COL11A1: variants seen among roughly 807,000 people sequenced by gnomAD.
COL11A1 encodes collagen type XI alpha 1 chain, also known as collagen alpha-1(XI) chain.
A neutral mutation model predicts 265.2 loss-of-function variants in COL11A1; 74 were observed. The observed-to-expected ratio is 0.28, with a 90% CI of 0.23 to 0.34. The LOEUF (loss-of-function observed/expected upper bound fraction) is 0.34, where lower values mean the gene tolerates loss of function less well. Among genes scored for constraint, COL11A1 ranks in the 10% least tolerant of loss-of-function variants. The pLI, the probability that COL11A1 is intolerant of heterozygous loss-of-function variation, is 1.00. For synonymous variants in COL11A1, 816 were observed against 727.6 expected, an observed-to-expected ratio of 1.12 and a Z score of -1.96; for missense variants, 2,165 against 2,263.6, an observed-to-expected ratio of 0.96 and a Z score of 0.88.
intron 48 of COL11A1, among the ~76,000 whole-genome samples, chr1:102,920,895 A>G (rs1332908962): frequency 6.6e-6 from 1 of 152,224 alleles, no homozygotes; most frequent in Non-Finnish European, 1.5e-5. Context: ...GACCAGAGAC[A>G]TGAAGGAAAC....
chr1:102,877,020 G>C lies in COL11A1; in HGVS notation c.*999C>G, dbSNP rs972510984. 2.6e-5 allele frequency: 4 copies of C among 152,486 alleles called. No homozygotes were observed. Among genetic ancestry groups the C allele is most frequent in the African/African-American group, 9.7e-5 (4 of 41,428 alleles). 9.4% of individuals were successfully genotyped at this position (152,486 alleles called of 1,614,324 possible). On this transcript the variant is annotated 3_prime_UTR_variant, in exon 67 of 67. Transcript: ENST00000370096. Reference sequence around the variant, plus strand: ...TTGATTGATAAGAAAATCTAACATTGCACAAATTCATAAATAATTGCTTAA... The same window carrying C: ...TTGATTGATAAGAAAATCTAACATTCCACAAATTCATAAATAATTGCTTAA...
chr1:103,012,182 A>C (rs1666186481), intron 14 of COL11A1, among the ~76,000 whole-genome samples: 1 of 152,194 alleles, frequency 6.6e-6, no homozygotes, highest in African/African-American at 2.4e-5. Context: ...GATATGACTC[A>C]ATTACATTTT....
At chr1:102,949,458 A>C (rs1659655583) in intron 41 of COL11A1, among the ~76,000 whole-genome samples, 1 of 152,160 alleles carries the variant, frequency 6.6e-6, no homozygotes, top group South Asian at 2.1e-4. Flanking sequence ...CTGTTCAAAG[A>C]ATACCCTAGG....
chr1:102,880,024 G>A (rs1449284186), intron 65 of COL11A1, 108 bp from the exon 66 acceptor site: 1 of 768,868 alleles, frequency 1.3e-6, no homozygotes, highest in Non-Finnish European at 2.2e-6. Context: ...GCATGTAGAT[G>A]AATCAAAAGA....
intron 4 of COL11A1, among the ~76,000 whole-genome samples, chr1:103,062,828 A>T (rs1490605042): frequency 6.6e-6 from 1 of 151,980 alleles, no homozygotes; most frequent in Non-Finnish European, 1.5e-5. Context: ...AGATTACATA[A>T]TTGTCTAGGT....
At chr1:103,003,116 C>T (rs1665278337) in intron 21 of COL11A1, 99 bp downstream of exon 21, 1 of 1,172,390 alleles carries the variant, frequency 8.5e-7, no homozygotes, top group Non-Finnish European at 1.3e-6. Flanking sequence ...CATAACAAGG[C>T]AATAAACTCT....
chr1:102,914,871 T>C lies in COL11A1; in HGVS notation c.3817-60A>G, dbSNP rs1293098918. ...GGAAAGAAGAGTTATCTTACAAGTT[T>C]TGCATAAAAGTTTATTAACCTTGGC... On this transcript the variant is annotated intron_variant, in intron 50 of 66. Coordinates refer to ENST00000370096, the MANE Select transcript of COL11A1 (RefSeq NM_001854.4). 3 of 1,406,852 alleles carry C rather than the reference T, an allele frequency of 2.1e-6. No individual in the cohort carries two copies. The African/African-American group carries it at 4.3e-5, about 20-fold the overall frequency. 87.1% of individuals were successfully genotyped at this position (1,406,852 alleles called of 1,614,324 possible).
intron 4 of COL11A1, among the ~76,000 whole-genome samples, chr1:103,036,140 G>C (rs1158911423): frequency 1.3e-5 from 2 of 151,282 alleles, no homozygotes; most frequent in African/African-American, 4.8e-5. Context: ...TTTTCTCCTA[G>C]CTTTGCCATT....
rs1649660945 is a variant in COL11A1 at position 102,877,698 on chromosome 1, T to C, written c.*321A>G. 7 of 289,184 alleles carry C rather than the reference T, an allele frequency of 2.4e-5. No homozygotes were observed. The South Asian group carries it at 2.7e-4, about 11-fold the overall frequency. 17.9% of individuals were successfully genotyped at this position (289,184 alleles called of 1,614,324 possible). A position where few individuals can be genotyped will look rare whatever the true frequency, so the allele number is the denominator to read the frequency against. On this transcript the variant is annotated 3_prime_UTR_variant, in exon 67 of 67. Transcript: ENST00000370096. ...CCTGGATGGATGAGAATGAGCACCA[T>C]ATTTTTTATGAATATATATTTTTCT...
intron 22 of COL11A1, 77 bp from the exon 23 acceptor site, chr1:103,002,558 A>C (rs1251771207): frequency 7.9e-7 from 1 of 1,259,136 alleles, no homozygotes; most frequent in Non-Finnish European, 1.1e-6. Flanking sequence ...ATTGGAAAAT[A>C]CCTCTACCCA....
At chr1:103,096,207 T>C (rs2102394729) in intron 1 of COL11A1, among the ~76,000 whole-genome samples, 1 of 152,090 alleles carries the variant, frequency 6.6e-6, no homozygotes, top group East Asian at 1.9e-4. Flanking sequence ...AACTCTAGGC[T>C]CACTCGAGTG....
chr1:103,045,486 C>A (rs1351564566), intron 4 of COL11A1, among the ~76,000 whole-genome samples: 4 of 152,066 alleles, frequency 2.6e-5, no homozygotes, highest in African/African-American at 4.8e-5. Context: ...TCACTATATA[C>A]CTGCCACTCT....
intron 11 of COL11A1, among the ~76,000 whole-genome samples, chr1:103,016,899 A>G (rs953925354): frequency 6.6e-6 from 1 of 151,970 alleles, no homozygotes; most frequent in African/African-American, 2.4e-5. Context: ...TAGATCATTT[A>G]TATGTCTCTA....
chr1:103,078,680 T>A lies in COL11A1; in HGVS notation c.466A>T (p.Thr156Ser). 1.2e-6 allele frequency: 2 copies of A among 1,613,398 alleles called. No individual in the cohort carries two copies. The highest frequency in any genetic ancestry group is 1.7e-6 in the Non-Finnish European group (2 of 1,179,556). ...TACTTCCCGTCAGCGATGTTAACAG[T>A]TCTGAAGAGGGGATAGTCTTCTGGG... ...PAPEDYPLFR[T>S]VNIADGKWHR... Residue 156 changes from threonine (T) to serine (S), a missense_variant, in exon 3 of 67, where the codon ACT (threonine) becomes TCT (serine). Transcript: ENST00000370096.
intron 42 of COL11A1, among the ~76,000 whole-genome samples, chr1:102,940,823 A>G (rs566771092): frequency 1.9e-4 from 29 of 152,228 alleles, no homozygotes; most frequent in African/African-American, 7.0e-4. Context: ...AGTTGCTCAT[A>G]TGTCCAACTT....
At chr1:103,080,627 C>CTG (rs1672334550) in intron 2 of COL11A1, among the ~76,000 whole-genome samples, 3 of 151,652 alleles carry the variant, frequency 2.0e-5, no homozygotes, top group African/African-American at 7.3e-5. Flanking sequence ...GAGCTATTAC[C>CTG]CCACTCCAGT....
chr1:102,883,959 A>G (rs1193176960), intron 63 of COL11A1, among the ~76,000 whole-genome samples: 1 of 152,214 alleles, frequency 6.6e-6, no homozygotes, highest in Non-Finnish European at 1.5e-5. Flanking sequence ...ATCACCATTC[A>G]TTTGGTGTTA....
At chr1:102,969,993 T>A (rs1034175908) in intron 37 of COL11A1, among the ~76,000 whole-genome samples, 2 of 152,068 alleles carry the variant, frequency 1.3e-5, no homozygotes, top group African/African-American at 4.8e-5. Flanking sequence ...CTATTGACAA[T>A]AAAAACAATC....
At chr1:103,012,522 A>G (rs905920105) in intron 13 of COL11A1, 53 bp from the exon 14 acceptor site, 1 of 1,345,154 alleles carries the variant, frequency 7.4e-7, no homozygotes, top group South Asian at 1.2e-5. Flanking sequence ...AGAGCACATT[A>G]AAGTACAATA....
Sources: allele counts gnomAD v4.1 joint callset (sites outside exome capture counted in the v4.1 genomes callset), GRCh38; gene constraint gnomAD v4.1.1; transcripts MANE v1.5; gene names NCBI Gene and HGNC (gene_info 2026-07-23, HGNC 2026-07-21).